The following PDE11A variants were observed in gnomAD, a reference collection of about 807,000 sequenced individuals.
The protein encoded by PDE11A is phosphodiesterase 11A.
In PDE11A, 100 loss-of-function variants were observed where a neutral mutation model predicts 100.5. That is an observed-to-expected ratio of 1.00 (90% CI 0.85 to 1.18). PDE11A has a LOEUF of 1.18. PDE11A is among the 50% of genes most tolerant of loss of function. The probability of loss-of-function intolerance (pLI) is 0.00; values close to 1 mark genes in which losing one functional copy is unlikely to be tolerated. For synonymous variants in PDE11A, 381 were observed against 420.8 expected (o/e 0.91, Z 1.16); for missense variants, 1,141 against 1,152.6 (o/e 0.99, Z 0.15).
intron 2 of PDE11A, among the ~76,000 whole-genome samples, chr2:177,969,371 C>T (rs1205136915): frequency 6.6e-6 from 1 of 152,078 alleles, no homozygotes; most frequent in Non-Finnish European, 1.5e-5. Flanking sequence ...CACCATGGCA[C>T]ATGTATACCT....
chr2:177,985,020 A>G (rs1355239549), intron 2 of PDE11A, among the ~76,000 whole-genome samples: 1 of 152,208 alleles, frequency 6.6e-6, no homozygotes, highest in African/African-American at 2.4e-5. Flanking sequence ...CATAAAGTAG[A>G]AATTCAAAAA....
chr2:177,669,019 A>C (rs541426993), intron 18 of PDE11A, among the ~76,000 whole-genome samples: 5 of 152,348 alleles, frequency 3.3e-5, no homozygotes, highest in African/African-American at 1.2e-4. Flanking sequence ...AAATCACCAG[A>C]ACCTAGTTCC....
chr2:177,712,487 T>C (rs2081371673), intron 12 of PDE11A, among the ~76,000 whole-genome samples: 1 of 152,150 alleles, frequency 6.6e-6, no homozygotes, highest in Non-Finnish European at 1.5e-5. Flanking sequence ...AATAAGGCAG[T>C]GCATGTCATG....
intron 9 of PDE11A, among the ~76,000 whole-genome samples, chr2:177,794,710 G>T (rs1448793090): frequency 6.6e-6 from 1 of 151,882 alleles, no homozygotes; most frequent in Non-Finnish European, 1.5e-5. Flanking sequence ...CCCCTACACC[G>T]ACCCCCCAAC....
At chr2:177,774,398 C>T (rs866415200) in intron 9 of PDE11A, among the ~76,000 whole-genome samples, 1 of 152,186 alleles carries the variant, frequency 6.6e-6, no homozygotes, top group African/African-American at 2.4e-5. Context: ...TTCTTGCCAA[C>T]AAATCCATTG....
intron 15 of PDE11A, 74 bp downstream of exon 15, chr2:177,697,258 C>T: frequency 1.2e-6 from 1 of 803,882 alleles, no homozygotes; most frequent in South Asian, 1.3e-5. Flanking sequence ...AACAGGTAAC[C>T]TCCAGTGTAG....
At chr2:177,897,278 T>G (rs1328727944) in intron 4 of PDE11A, among the ~76,000 whole-genome samples, 1 of 152,216 alleles carries the variant, frequency 6.6e-6, no homozygotes, top group Non-Finnish European at 1.5e-5. Flanking sequence ...ATTTCAATAT[T>G]GTTGCTTATC....
intron 6 of PDE11A, among the ~76,000 whole-genome samples, chr2:177,835,686 C>T (rs1055844734): frequency 4.6e-5 from 7 of 152,078 alleles, no homozygotes; most frequent in South Asian, 2.1e-4. Flanking sequence ...GAGGTGCAAG[C>T]GGGAACTGGG....
intron 14 of PDE11A, among the ~76,000 whole-genome samples, chr2:177,699,305 T>C (rs535976171): frequency 1.3e-5 from 2 of 152,324 alleles, no homozygotes; most frequent in African/African-American, 4.8e-5. Flanking sequence ...TCTAAACCTA[T>C]TTAAACATAG....
At chr2:177,992,371 C>A (rs1422649519) in intron 2 of PDE11A, among the ~76,000 whole-genome samples, 1 of 148,882 alleles carries the variant, frequency 6.7e-6, no homozygotes, top group Non-Finnish European at 1.5e-5. Flanking sequence ...TCCAGGGCAT[C>A]CACTTGCTTT....
Position 177,675,513 on chromosome 2 carries a change from A to G in PDE11A, c.2429T>C (p.Met810Thr), listed in dbSNP as rs1380588167. The G allele has an allele frequency of 2.5e-6, 4 of 1,613,194 alleles. No homozygotes were observed. Among genetic ancestry groups the G allele is most frequent in the Non-Finnish European group, 3.4e-6 (4 of 1,179,402 alleles). ...IKNHRDIFRS[M>T]LMTACDLGAV... The stretch of plus-strand genomic sequence containing the variant: ...TCCAAGGTCACAGGCTGTCATTAAC[A>G]TTGATCTGAAAAACAGAACCAAACA... Residue 810 changes from methionine to threonine, a missense_variant, in exon 17 of 20, where the codon ATG (methionine) becomes ACG (threonine). Met to Thr is a moderately conservative substitution (Grantham distance 81, BLOSUM62 -1). Coordinates refer to ENST00000286063, the MANE Select transcript of PDE11A (RefSeq NM_016953.4).
rs1475313812 is a variant in PDE11A at position 177,627,130 on chromosome 2, T to A, written c.*2277A>T. 6.9e-6 allele frequency: 1 copy of A among 143,906 alleles called. No homozygotes were observed. The highest frequency in any genetic ancestry group is 2.3e-4 in the South Asian group (1 of 4,380). 8.9% of individuals were successfully genotyped at this position (143,906 alleles called of 1,614,324 possible). On this transcript the variant is annotated 3_prime_UTR_variant, in exon 20 of 20. Transcript: ENST00000286063. ...CTCACTGCAAGCTCCGCCTCGCGGG[T>A]TCCCGCCATTCTCTTGCCTCAGCCT...
intron 2 of PDE11A, among the ~76,000 whole-genome samples, chr2:177,917,548 A>G (rs1358367011): frequency 6.6e-6 from 1 of 152,244 alleles, no homozygotes; most frequent in African/African-American, 2.4e-5. Context: ...TGTCTTACAC[A>G]TATTAAATAC....
intron 1 of PDE11A, among the ~76,000 whole-genome samples, chr2:178,029,495 A>T (rs1393844331): frequency 6.6e-6 from 1 of 152,116 alleles, no homozygotes; most frequent in Non-Finnish European, 1.5e-5. Context: ...ATATATCAAA[A>T]CCGTGGTCCA....
At chr2:177,809,775 G>A (rs2082921616) in intron 9 of PDE11A, among the ~76,000 whole-genome samples, 1 of 151,904 alleles carries the variant, frequency 6.6e-6, no homozygotes, top group Non-Finnish European at 1.5e-5. Flanking sequence ...CAAAAAAGTG[G>A]TGGAATGGTA....
At chr2:177,989,847 C>T (rs570232125) in intron 2 of PDE11A, among the ~76,000 whole-genome samples, 22 of 152,080 alleles carry the variant, frequency 1.4e-4, no homozygotes, top group Middle Eastern at 3.4e-3. Context: ...AAAATAAAAA[C>T]GAAAAACCAA....
chr2:177,936,750 G>A (rs1192010548), intron 2 of PDE11A, among the ~76,000 whole-genome samples: 1 of 152,096 alleles, frequency 6.6e-6, no homozygotes, highest in Non-Finnish European at 1.5e-5. Flanking sequence ...GTGAAACCCT[G>A]TCTCTACTAA....
Position 177,875,786 on chromosome 2 carries a change from T to C in PDE11A, c.1367+73A>G, listed in dbSNP as rs1574241808. 4.5e-5 allele frequency: 43 copies of C among 954,450 alleles called. No homozygotes were observed. The East Asian group carries it at 1.0e-3, about 23-fold the overall frequency. The allele number at this position is 954,450 out of a possible 1,614,324, so 59.1% of individuals were successfully genotyped here. ...AATATAAAGAACTACTACTATCTTC[T>C]AAGAATTATGCAATGCTGCTAACAC... On this transcript the variant is annotated intron_variant, in intron 5 of 19. Coordinates refer to ENST00000286063, the MANE Select transcript of PDE11A (RefSeq NM_016953.4).
chr2:177,862,822 GA>G (rs754559788), intron 5 of PDE11A, among the ~76,000 whole-genome samples: 5 of 151,706 alleles, frequency 3.3e-5, no homozygotes, highest in Non-Finnish European at 7.4e-5. Flanking sequence ...TACAGAAACA[GA>G]AAAAACCATC....
Sources: allele counts gnomAD v4.1 joint callset (sites outside exome capture counted in the v4.1 genomes callset), GRCh38; gene constraint gnomAD v4.1.1; transcripts MANE v1.5; gene names NCBI Gene and HGNC (gene_info 2026-07-23, HGNC 2026-07-21).